RTL9: variants seen among roughly 807,000 people sequenced by gnomAD.
RTL9 encodes the protein retrotransposon Gag-like protein 9.
Under a neutral mutation model 44.7 loss-of-function variants are expected in RTL9, and 19 were observed. That is an observed-to-expected ratio of 0.42 (90% CI 0.30 to 0.62). The LOEUF is 0.62. Ranked by LOEUF, RTL9 falls within the 20% of genes least tolerant of loss-of-function variation. The pLI is 0.16. For synonymous variants in RTL9, 407 were observed against 398.9 expected (o/e 1.02, Z -0.24); for missense variants, 1,105 against 1,080.6 (o/e 1.02, Z -0.32).
intron 1 of RTL9, among the ~76,000 whole-genome samples, chrX:110,422,443 G>A (rs1036482087): frequency 8.9e-6 from 1 of 112,551 alleles, no homozygotes; most frequent in African/African-American, 3.2e-5. Flanking sequence ...GGCCAGATAC[G>A]AGACCAGGAG....
chrX:110,436,274 C>T (rs917596612), intron 1 of RTL9, among the ~76,000 whole-genome samples: 9 of 111,164 alleles, frequency 8.1e-5, no homozygotes, highest in African/African-American at 1.3e-4. Flanking sequence ...ATTCATTATG[C>T]GACCCAGCTG....
chrX:110,361,589 G>A (rs2068264014), intron 1 of RTL9, among the ~76,000 whole-genome samples: 1 of 111,493 alleles, frequency 9.0e-6, no homozygotes, highest in Admixed American at 9.5e-5. Flanking sequence ...CCCAGATATT[G>A]ACATACTCCT....
At chrX:110,447,887 C>T (rs959122070), upstream of RTL9, among the ~76,000 whole-genome samples, 5 of 111,728 alleles carry the variant, frequency 4.5e-5, no homozygotes, top group African/African-American at 1.6e-4. Flanking sequence ...CTGAGGGTTT[C>T]TCCCCTTAGA....
At chrX:110,416,624 A>G, upstream of RTL9, among the ~76,000 whole-genome samples, 1 of 111,989 alleles carries the variant, frequency 8.9e-6, no homozygotes, top group East Asian at 2.8e-4. Flanking sequence ...CTGTCTGCAT[A>G]GCTCTGGCTC....
At chrX:110,418,372 T>G (rs1013263119), upstream of RTL9, among the ~76,000 whole-genome samples, 1 of 112,227 alleles carries the variant, frequency 8.9e-6, no homozygotes, top group Non-Finnish European at 1.9e-5. Flanking sequence ...TGCTGAGAGC[T>G]GCGGTGAATA....
rs1435484339 is a variant in RTL9, at chrX:110,398,958, G to A, written c.-168+40042G>A. Among the ~76,000 whole-genome samples, 3 of 111,992 alleles carry A rather than the reference G, an allele frequency of 2.7e-5. No individual in the cohort carries two copies. The Admixed American group carries it at 2.8e-4, about 11-fold the overall frequency. On this transcript the variant is annotated intron_variant, in intron 1 of 2. Coordinates refer to the RTL9 transcript ENST00000520821. ...TTGCTCATTAGGAAAAAAATGCTAT[G>A]ACTGATTATTGATACCTGCCATATA...
chrX:110,451,099 C>T, exon 1 of RTL9: 1 of 1,212,269 alleles, frequency 8.2e-7, no homozygotes, highest in Non-Finnish European at 1.1e-6. Context: ...GCACCAGATT[C>T]TGCAGAGATA....
At chrX:110,455,111 G>T in intron 1 of RTL9, 91 bp from the exon 4 acceptor site, 2 of 1,115,509 alleles carry the variant, frequency 1.8e-6, no homozygotes, top group East Asian at 6.0e-5. Context: ...AAAGTGTCTT[G>T]ATCTGCTAAG....
At chrX:110,403,216 C>T (rs184400675) in intron 1 of RTL9, among the ~76,000 whole-genome samples, 43 of 112,283 alleles carry the variant, frequency 3.8e-4, no homozygotes, top group Non-Finnish European at 7.7e-4. Context: ...GGGATTCTAC[C>T]ACACATTGCA....
intron 1 of RTL9, among the ~76,000 whole-genome samples, chrX:110,388,057 C>T (rs925182565): frequency 6.4e-5 from 7 of 109,963 alleles, no homozygotes; most frequent in Middle Eastern, 4.6e-3. Flanking sequence ...TTAGTAGAGA[C>T]GGGGTTTCAT....
rs747273249 is a variant in RTL9, at chrX:110,455,361, G to A, written c.*40G>A. ...TTCTCCTGTGATATCTGACTCGACCGCTAACTGGAGGACTGGTTCCTGGAC... is the reference window on the plus strand; with the variant it reads ...TTCTCCTGTGATATCTGACTCGACCACTAACTGGAGGACTGGTTCCTGGAC... On this transcript the variant is annotated 3_prime_UTR_variant, in exon 2 of 2. Transcript: ENST00000540313. The A allele has an allele frequency of 1.2e-5, 14 of 1,193,489 alleles. No individual in the cohort carries two copies. The East Asian group carries it at 3.0e-4, about 25-fold the overall frequency.
chrX:110,415,509 G>T (rs2068670996), upstream of RTL9, among the ~76,000 whole-genome samples: 1 of 111,452 alleles, frequency 9.0e-6, no homozygotes. Flanking sequence ...GGAATTTGGG[G>T]CTCCCATGGA....
upstream of RTL9, among the ~76,000 whole-genome samples, chrX:110,416,081 C>T (rs766913726): frequency 5.4e-5 from 6 of 110,701 alleles, no homozygotes; most frequent in Admixed American, 9.6e-5. Flanking sequence ...CTCACTCTGC[C>T]GTGGCAAGGC....
At chrX:110,370,143 T>C (rs1427048007) in intron 1 of RTL9, among the ~76,000 whole-genome samples, 1 of 111,900 alleles carries the variant, frequency 8.9e-6, no homozygotes, top group Non-Finnish European at 1.9e-5. Flanking sequence ...ACTTGTGAAA[T>C]GGATGAAGGG....
chrX:110,393,686 T>A (rs1205351566), intron 1 of RTL9, among the ~76,000 whole-genome samples: 3 of 112,169 alleles, frequency 2.7e-5, no homozygotes, highest in Non-Finnish European at 5.6e-5. Context: ...ATACAGCAGG[T>A]CCTTGAATAA....
exon 2 of RTL9, chrX:110,445,242 C>T (rs781468901): frequency 3.6e-4 from 40 of 112,522 alleles, no homozygotes; most frequent in Admixed American, 7.5e-4. Context: ...AGCCCAGCTT[C>T]GCTCCCTCTC....
At chrX:110,421,568 C>T (rs2068717399) in intron 1 of RTL9, among the ~76,000 whole-genome samples, 1 of 112,584 alleles carries the variant, frequency 8.9e-6, no homozygotes, top group Non-Finnish European at 1.9e-5. Context: ...TTGCATTTAT[C>T]GACAGGTATT....
Position 110,430,084 on chromosome X carries a change from T to C in RTL9, c.-168+10949T>C, listed in dbSNP as rs368509913. Among the ~76,000 whole-genome samples, 8 of 112,476 alleles carry C rather than the reference T, an allele frequency of 7.1e-5. No homozygotes were observed. In the East Asian group the frequency reaches 2.0e-3, roughly 28 times the overall value. On this transcript the variant is annotated intron_variant, in intron 1 of 3. Transcript: ENST00000465301. ...TCCAAGTGCATCAGGGCACTATTAA[T>C]CCAGGAGTTCTTCCAGTGAATTGTT...
intron 1 of RTL9, among the ~76,000 whole-genome samples, chrX:110,371,559 G>T (rs2068339118): frequency 9.0e-6 from 1 of 111,218 alleles, no homozygotes; most frequent in Admixed American, 9.6e-5. Flanking sequence ...CCAGCCTCTG[G>T]TAACCATATG....
Sources: allele counts gnomAD v4.1 joint callset (sites outside exome capture counted in the v4.1 genomes callset), GRCh38; gene constraint gnomAD v4.1.1; transcripts MANE v1.5; gene names NCBI Gene and HGNC (gene_info 2026-07-23, HGNC 2026-07-21).